Variants in MYO1B observed in about 807,000 individuals in gnomAD.
MYO1B encodes myosin IB, also known as unconventional myosin-Ib.
Under a neutral mutation model 159.7 loss-of-function variants are expected in MYO1B, and 72 were observed. The ratio of observed to expected loss-of-function variants is 0.45; its 90% CI spans 0.37 to 0.55. The LOEUF (loss-of-function observed/expected upper bound fraction) is 0.55. Among genes scored for constraint, MYO1B ranks in the 20% least tolerant of loss-of-function variants. The pLI is 0.00. For synonymous variants in MYO1B, 468 were observed against 473.8 expected (o/e 0.99, Z 0.16); for missense variants, 1,062 against 1,364.8 (o/e 0.78, Z 3.50).
chr2:191,263,216 C>T (rs973476379), intron 1 of MYO1B: 2 of 551,748 alleles, frequency 3.6e-6, no homozygotes, highest in African/African-American at 2.1e-5. Context: ...GAGGCTGCCT[C>T]TTCCTAGCCA....
chr2:191,298,336 TGTTTTATA>T (rs1386163470), intron 3 of MYO1B, among the ~76,000 whole-genome samples: 2 of 152,232 alleles, frequency 1.3e-5, no homozygotes, highest in Admixed American at 1.3e-4. Flanking sequence ...ATCTGAAATT[TGTTTTATA>T]AAGTTATCCT....
At chr2:191,280,617 C>G (rs1333181140) in intron 2 of MYO1B, among the ~76,000 whole-genome samples, 1 of 152,194 alleles carries the variant, frequency 6.6e-6, no homozygotes, top group Non-Finnish European at 1.5e-5. Context: ...TTGACTGTGG[C>G]CCGGAGATGG....
chr2:191,322,973 G>A lies in MYO1B; in HGVS notation c.252-6962G>A, dbSNP rs186664462. Among the ~76,000 whole-genome samples, 129 of 152,290 alleles carry A rather than the reference G, an allele frequency of 8.5e-4. 1 individual carries two copies. The East Asian group carries it at 0.013, about 16-fold the overall frequency. On this transcript the variant is annotated intron_variant, in intron 3 of 30. Transcript: ENST00000392318. ...TTTTTCGTGGTTATTTCTTGATCAT[G>A]TGCTAAACAAGGGGTGGATTATTCT...
At chr2:191,303,592 C>T (rs1390622665) in intron 3 of MYO1B, among the ~76,000 whole-genome samples, 2 of 152,054 alleles carry the variant, frequency 1.3e-5, no homozygotes, top group Non-Finnish European at 2.9e-5. Context: ...AGATAAAATT[C>T]CTGTCTTCAT....
intron 1 of MYO1B, among the ~76,000 whole-genome samples, chr2:191,265,905 C>G (rs1687111676): frequency 1.3e-5 from 2 of 152,054 alleles, no homozygotes; most frequent in Admixed American, 1.3e-4. Context: ...TCCCCTACAG[C>G]TGGGCTGCAT....
chr2:191,388,081 C>G (rs897898595), intron 17 of MYO1B: 1 of 152,080 alleles, frequency 6.6e-6, no homozygotes, highest in Non-Finnish European at 1.5e-5. Context: ...GTCAGGAATT[C>G]GAGACTAGCC....
At chr2:191,342,827 A>T (rs1692306295) in intron 5 of MYO1B, among the ~76,000 whole-genome samples, 1 of 152,200 alleles carries the variant, frequency 6.6e-6, no homozygotes, top group South Asian at 2.1e-4. Context: ...AGCCTGGGCA[A>T]CAGAGGAAGA....
Position 191,387,338 on chromosome 2 carries a change from G to A in MYO1B, c.1669G>A (p.Gly557Arg), listed in dbSNP as rs1695456854. ...CCTCATCAAGTCTTTGTTCCCCGAA[G>A]GGAATCCCGCCAAGATCAACCTGAA... is the stretch of plus-strand genomic sequence containing the variant. ...HALIKSLFPE[G>R]NPAKINLKRP... The change falls in exon 17 of 31, where the codon GGG (glycine) becomes AGG (arginine). Residue 557 changes from glycine (G) to arginine (R), a missense_variant. Gly to Arg is a moderately radical substitution (Grantham distance 125). Around this residue, in one of 5 missense-constraint regions of MYO1B, gnomAD observed 609 missense variants for 744.4 expected, o/e 0.82. Transcript: ENST00000392318. The A allele has an allele frequency of 1.2e-6, 2 of 1,613,994 alleles. No homozygotes were observed. Among genetic ancestry groups the A allele is most frequent in the Non-Finnish European group, 1.7e-6 (2 of 1,180,024 alleles).
At chr2:191,320,509 A>C (rs1054081971) in intron 3 of MYO1B, among the ~76,000 whole-genome samples, 1 of 152,172 alleles carries the variant, frequency 6.6e-6, no homozygotes, top group Non-Finnish European at 1.5e-5. Context: ...TGGTATATAC[A>C]CAGTGGTCTG....
Position 191,277,000 on chromosome 2 carries a change from C to G in MYO1B, c.105C>G (p.Leu35=), listed in dbSNP as rs35294642. 407 of 1,613,954 alleles carry G rather than the reference C, an allele frequency of 2.5e-4. 2 individuals carry two copies. The African/African-American group carries it at 5.1e-3, about 20-fold the overall frequency. ...PLNEETFINN[L]KKRFDHSEIY... ...ATGAGGAGACCTTCATCAACAACCT[C>G]AAGAAGCGCTTTGACCACAGTGAAA... The change falls in exon 2 of 31, where the codon CTC becomes CTG. Residue 35 remains leucine (L), a synonymous_variant. Coordinates refer to ENST00000392318, the MANE Select transcript of MYO1B (RefSeq NM_001130158.3).
chr2:191,338,964 G>A (rs763008799), intron 4 of MYO1B, among the ~76,000 whole-genome samples: 4 of 152,148 alleles, frequency 2.6e-5, no homozygotes, highest in Admixed American at 6.5e-5. Context: ...CTAGTATTAC[G>A]ATGGATAGAT....
chr2:191,350,796 T>C (rs1177850517), intron 7 of MYO1B, among the ~76,000 whole-genome samples: 3 of 144,402 alleles, frequency 2.1e-5, no homozygotes, highest in African/African-American at 7.5e-5. Context: ...AAATATTTTA[T>C]GTGAAAAGTT....
intron 18 of MYO1B, 80 bp from the exon 19 acceptor site, chr2:191,392,028 T>G (rs779846250): frequency 1.0e-6 from 1 of 991,254 alleles, no homozygotes; most frequent in Non-Finnish European, 1.5e-6. Context: ...TTTATACCAC[T>G]GAGAACCTGA....
At chr2:191,385,714 A>G (rs1695360541) in intron 15 of MYO1B, among the ~76,000 whole-genome samples, 170 bp from the exon 16 acceptor site, 1 of 152,192 alleles carries the variant, frequency 6.6e-6, no homozygotes, top group Non-Finnish European at 1.5e-5. Context: ...TCCTTCAGGA[A>G]AGAGCTGATT....
intron 4 of MYO1B, among the ~76,000 whole-genome samples, chr2:191,336,626 C>T (rs1691865842): frequency 6.6e-6 from 1 of 152,136 alleles, no homozygotes. Flanking sequence ...GCATTTAGTA[C>T]TCTGGAACAC....
intron 2 of MYO1B, among the ~76,000 whole-genome samples, chr2:191,290,867 G>T (rs917638304): frequency 2.6e-5 from 4 of 152,220 alleles, no homozygotes; most frequent in African/African-American, 9.6e-5. Flanking sequence ...ATTTAAAGGG[G>T]AAGGTGAAAT....
At chr2:191,294,888 A>AT (rs1559146757) in intron 2 of MYO1B, among the ~76,000 whole-genome samples, 1 of 152,062 alleles carries the variant, frequency 6.6e-6, no homozygotes, top group African/African-American at 2.4e-5. Context: ...GAAAAAAAAA[A>AT]GTCAGCAGAA....
At chr2:191,362,203 G>A (rs1574510301) in intron 8 of MYO1B, 65 bp from the exon 9 acceptor site, 1 of 1,226,178 alleles carries the variant, frequency 8.2e-7, no homozygotes, top group Non-Finnish European at 1.2e-6. Context: ...GATATCAAAG[G>A]GAATGAGATA....
chr2:191,415,988 C>A, intron 29 of MYO1B, 127 bp from the exon 30 acceptor site: 1 of 1,098,442 alleles, frequency 9.1e-7, no homozygotes, highest in Non-Finnish European at 1.3e-6. Context: ...TTATTGTTTA[C>A]CTTGGGAGAA....
Sources: gnomAD v4.1 joint callset for allele counts (sites outside exome capture counted in the v4.1 genomes callset) on GRCh38, gnomAD v4.1.1 for gene constraint, gnomAD v4.1.1 regional missense constraint, MANE v1.5 for transcripts, NCBI Gene and HGNC (gene_info 2026-07-23, HGNC 2026-07-21) for gene names.